TTBK2: variants seen among roughly 807,000 people sequenced by gnomAD.
TTBK2 encodes the protein tau tubulin kinase 2.
A neutral mutation model predicts 110.8 loss-of-function variants in TTBK2; 28 were observed. That is an observed-to-expected ratio of 0.25 (90% CI 0.19 to 0.35). The LOEUF is 0.35. Ranked by LOEUF, TTBK2 falls within the 10% of genes least tolerant of loss-of-function variation. The pLI is 1.00. For missense variants in TTBK2, 1,369 were observed against 1,500.3 expected (o/e 0.91, Z 1.45); for synonymous variants, 532 against 527.3 (o/e 1.01, Z -0.12).
Position 42,775,446 on chromosome 15 carries a change from C to T in TTBK2, c.1687G>A (p.Asp563Asn), listed in dbSNP as rs1889868678. The T allele has an allele frequency of 6.2e-7, 1 of 1,614,084 alleles. No individual in the cohort carries two copies. The highest frequency in any genetic ancestry group is 1.7e-5 in the Admixed American group (1 of 60,006). Residue 563 changes from aspartate to asparagine, a missense_variant, in exon 13 of 15, where the codon GAT (aspartate) becomes AAT (asparagine). This residue lies in a region of TTBK2 where 1,097 missense variants were observed against 1,114.7 expected (regional missense o/e 0.98). Transcript: ENST00000267890. ...VIVDKEQDLQ[D>N]FRTNEAVGHK... Reference sequence around the variant, plus strand: ...CCTACAGCCTCATTTGTCCTAAAATCCTGAAGGTCCTGCTCCTTGTCCACA... The same window carrying T: ...CCTACAGCCTCATTTGTCCTAAAATTCTGAAGGTCCTGCTCCTTGTCCACA...
chr15:42,809,037 G>A (rs1891596056), intron 9 of TTBK2, among the ~76,000 whole-genome samples: 1 of 152,214 alleles, frequency 6.6e-6, no homozygotes, highest in African/African-American at 2.4e-5. Context: ...GGCAGAAGCT[G>A]CAAAGCTCAG....
At chr15:42,765,107 C>A (rs916791829) in intron 13 of TTBK2, among the ~76,000 whole-genome samples, 2 of 152,154 alleles carry the variant, frequency 1.3e-5, no homozygotes, top group Admixed American at 1.3e-4. Context: ...CTGTAGGCCA[C>A]CATCATCAAA....
intron 1 of TTBK2, among the ~76,000 whole-genome samples, chr15:42,897,006 G>C (rs1895693804): frequency 6.6e-6 from 1 of 151,790 alleles, no homozygotes; most frequent in African/African-American, 2.4e-5. Context: ...AGCCTCCCGG[G>C]TACCTGGGAT....
chr15:42,776,336 C>T lies in TTBK2; in HGVS notation c.1410-613G>A, dbSNP rs554391290. Among the ~76,000 whole-genome samples, 13 of 152,298 alleles carry T rather than the reference C, an allele frequency of 8.5e-5. No individual in the cohort carries two copies. In the East Asian group the frequency reaches 2.1e-3, roughly 25 times the overall value. ...TAAAGGAAATTAGGTCTTAATGCTG[C>T]GAATACTACTGAAGTTTCTATAATT... On this transcript the variant is annotated intron_variant, in intron 12 of 14. Transcript: ENST00000267890.
intron 3 of TTBK2, among the ~76,000 whole-genome samples, chr15:42,855,442 A>G (rs1893891767): frequency 6.6e-6 from 1 of 152,192 alleles, no homozygotes; most frequent in Non-Finnish European, 1.5e-5. Flanking sequence ...GAACATCTGA[A>G]ATACTCTGCT....
chr15:42,895,210 A>C (rs1304260666), intron 1 of TTBK2, among the ~76,000 whole-genome samples: 2 of 152,222 alleles, frequency 1.3e-5, no homozygotes, highest in Non-Finnish European at 2.9e-5. Context: ...CAAAATCTTT[A>C]TTAAAAAATA....
chr15:42,759,194 T>C (rs1245543758), intron 13 of TTBK2, among the ~76,000 whole-genome samples: 2 of 152,200 alleles, frequency 1.3e-5, no homozygotes, highest in Non-Finnish European at 2.9e-5. Context: ...ACCCCTGCCA[T>C]GCACACTTCC....
At chr15:42,823,009 AAGG>A (rs1171245848) in intron 6 of TTBK2, among the ~76,000 whole-genome samples, 1 of 152,230 alleles carries the variant, frequency 6.6e-6, no homozygotes, top group Non-Finnish European at 1.5e-5. Context: ...GAAAAAATTC[AAGG>A]AGAACTATGT....
At chr15:42,837,030 A>G (rs192028743) in intron 4 of TTBK2, among the ~76,000 whole-genome samples, 2 of 152,300 alleles carry the variant, frequency 1.3e-5, no homozygotes, top group East Asian at 3.9e-4. Context: ...ATTACTAGCC[A>G]AAATGAGAGA....
At chr15:42,798,397 A>G (rs572320328) in intron 9 of TTBK2, 1 of 411,462 alleles carries the variant, frequency 2.4e-6, no homozygotes, top group South Asian at 1.8e-5. Flanking sequence ...CTGACTCCTT[A>G]TTTTACTTAA....
chr15:42,790,936 T>C (rs1382504517), intron 10 of TTBK2, among the ~76,000 whole-genome samples: 1 of 152,150 alleles, frequency 6.6e-6, no homozygotes, highest in Non-Finnish European at 1.5e-5. Context: ...CAGGCTGGAG[T>C]GCAGTGGCTC....
intron 1 of TTBK2, among the ~76,000 whole-genome samples, chr15:42,883,377 CAAAAAAA>C (rs1213212728): frequency 2.0e-5 from 1 of 50,276 alleles, no homozygotes; most frequent in Admixed American, 2.2e-4. Flanking sequence ...AACTCCACCT[CAAAAAAA>C]AAAAAAAAAA....
chr15:42,900,085 C>A (rs959783432), intron 1 of TTBK2, among the ~76,000 whole-genome samples: 1 of 151,604 alleles, frequency 6.6e-6, no homozygotes, highest in Admixed American at 6.6e-5. Flanking sequence ...CTCCACCGCC[C>A]GGGTTCAAGC....
At chr15:42,792,474 A>G (rs16957164) in intron 10 of TTBK2, among the ~76,000 whole-genome samples, 2,934 of 152,070 alleles carry the variant, frequency 0.019, 101 homozygotes, top group African/African-American at 0.068. Context: ...TGAATTATGC[A>G]TATTTTTACT....
chr15:42,746,582 T>C (rs191063765), intron 14 of TTBK2, among the ~76,000 whole-genome samples: 189 of 152,340 alleles, frequency 1.2e-3, no homozygotes, highest in African/African-American at 4.2e-3. Flanking sequence ...ATTCTGCTAA[T>C]TTTCAGATGA....
intron 11 of TTBK2, among the ~76,000 whole-genome samples, chr15:42,777,559 C>T (rs1889988184): frequency 6.6e-6 from 1 of 152,186 alleles, no homozygotes; most frequent in South Asian, 2.1e-4. Context: ...TCCCATTCCA[C>T]TAACCTGACA....
chr15:42,835,708 AATT>A (rs1892959372), intron 4 of TTBK2, among the ~76,000 whole-genome samples: 1 of 152,116 alleles, frequency 6.6e-6, no homozygotes, highest in South Asian at 2.1e-4. Flanking sequence ...ATTATTAAGG[AATT>A]ATTATTAGGT....
Position 42,752,750 on chromosome 15 carries a change from A to G in TTBK2, c.2496T>C (p.Ser832=). The change falls in exon 14 of 15, where the codon AGT becomes AGC. Residue 832 remains serine, a synonymous_variant. Transcript: ENST00000267890. ...PLDVTKTQTF[S]VVPNQDKNNE... Reference sequence around the variant, plus strand: ...TATTTTTGTCTTGATTTGGCACCACACTAAAAGTCTGTGTTTTTGTCACAT... The same window carrying G: ...TATTTTTGTCTTGATTTGGCACCACGCTAAAAGTCTGTGTTTTTGTCACAT... 1 of 1,614,182 alleles carries G rather than the reference A, an allele frequency of 6.2e-7. No individual in the cohort carries two copies. The highest frequency in any genetic ancestry group is 8.5e-7 in the Non-Finnish European group (1 of 1,180,036).
chr15:42,852,130 C>T (rs997455650), intron 3 of TTBK2, among the ~76,000 whole-genome samples: 1 of 151,498 alleles, frequency 6.6e-6, no homozygotes, highest in Admixed American at 6.6e-5. Context: ...AGTGCAGTCA[C>T]GCGATCTCGG....
Sources: allele counts gnomAD v4.1 joint callset (sites outside exome capture counted in the v4.1 genomes callset), GRCh38; gene constraint gnomAD v4.1.1; regional missense constraint gnomAD v4.1.1; transcripts MANE v1.5; gene names NCBI Gene and HGNC (gene_info 2026-07-23, HGNC 2026-07-21).